The following APOOL variants were observed in gnomAD, a reference collection of about 807,000 sequenced individuals.
APOOL encodes MICOS complex subunit MIC27.
Under a neutral mutation model 23.1 loss-of-function variants are expected in APOOL, and 12 were observed. That is an observed-to-expected ratio of 0.52 (90% CI 0.33 to 0.84). The LOEUF (loss-of-function observed/expected upper bound fraction) is 0.84, where lower values mean the gene tolerates loss of function less well. Among genes scored for constraint, APOOL ranks in the 40% least tolerant of loss-of-function variants. The pLI is 0.02. For missense variants in APOOL, 212 were observed against 199.6 expected (o/e 1.06, Z -0.37); for synonymous variants, 77 against 69.9 (o/e 1.10, Z -0.51).
chrX:85,055,979 T>A, intron 5 of APOOL, 54 bp downstream of exon 5: 2 of 962,292 alleles, frequency 2.1e-6, no homozygotes, highest in Non-Finnish European at 1.4e-6. Context: ...AGTTTCTGAA[T>A]TTTGTGGTCA....
chrX:85,024,541 G>A (rs1921774309), intron 1 of APOOL, among the ~76,000 whole-genome samples: 1 of 112,528 alleles, frequency 8.9e-6, no homozygotes. Flanking sequence ...GGCAAAGTTA[G>A]AGTGTTGCCA....
At chrX:85,061,194 G>T (rs781506427) in intron 5 of APOOL, among the ~76,000 whole-genome samples, 1 of 111,126 alleles carries the variant, frequency 9.0e-6, no homozygotes, top group South Asian at 3.9e-4. Flanking sequence ...TATTGATTTG[G>T]GTATGTTGAA....
At chrX:85,071,890 C>T (rs750873242) in intron 6 of APOOL, among the ~76,000 whole-genome samples, 2 of 111,895 alleles carry the variant, frequency 1.8e-5, no homozygotes, top group East Asian at 2.8e-4. Flanking sequence ...GTCAGGAGAT[C>T]GAGACCATCC....
chrX:85,057,431 T>A (rs1205120271), intron 5 of APOOL, among the ~76,000 whole-genome samples: 1 of 107,750 alleles, frequency 9.3e-6, no homozygotes, highest in East Asian at 2.9e-4. Context: ...AAAACTGCTG[T>A]GCAATTATAA....
chrX:85,050,130 A>T (rs200332882), intron 2 of APOOL, among the ~76,000 whole-genome samples: 1 of 14,164 alleles, frequency 7.1e-5, no homozygotes. Context: ...CCAGAAAGAT[A>T]AAACACTAAC....
At chrX:85,009,513 TTTCA>T (rs767290833) in intron 1 of APOOL, among the ~76,000 whole-genome samples, 23 of 112,389 alleles carry the variant, frequency 2.0e-4, no homozygotes, top group Non-Finnish European at 3.9e-4. Flanking sequence ...TGTTTTTGTC[TTTCA>T]TTCTATTAAT....
At chrX:85,069,917 C>T (rs893383097) in intron 6 of APOOL, among the ~76,000 whole-genome samples, 1 of 111,362 alleles carries the variant, frequency 9.0e-6, no homozygotes, top group Non-Finnish European at 1.9e-5. Context: ...TGAGTCTTTA[C>T]GAAGCATTTA....
At chrX:85,064,730 T>C (rs1923384897) in intron 5 of APOOL, among the ~76,000 whole-genome samples, 1 of 112,052 alleles carries the variant, frequency 8.9e-6, no homozygotes, top group African/African-American at 3.2e-5. Context: ...TTGGTTGTGC[T>C]GTGGTCTGAG....
rs779518995 is a variant in APOOL, at chrX:85,074,386, C to A, written c.713C>A (p.Thr238Asn). The A allele has an allele frequency of 4.1e-6, 5 of 1,210,331 alleles. No homozygotes were observed. The Admixed American group carries it at 1.1e-4, about 26-fold the overall frequency. The change falls in exon 8 of 9, where the codon ACT becomes AAT. Residue 238 changes from threonine to asparagine, a missense_variant. Physicochemically the swap from Thr to Asn is moderately conservative, Grantham distance 65 (BLOSUM62 0). Transcript: ENST00000373173. ...SSEAKTKSES[T>N]SGATQFMPDP... is the part of the protein sequence containing the mutation. ...GAAGCAAAGACCAAATCAGAATCCACTTCAGGTTTGTTGGGTATAAGTCAA... is the reference window on the plus strand; with the variant it reads ...GAAGCAAAGACCAAATCAGAATCCAATTCAGGTTTGTTGGGTATAAGTCAA...
At chrX:85,030,382 A>T (rs773816923) in intron 1 of APOOL, among the ~76,000 whole-genome samples, 3 of 110,784 alleles carry the variant, frequency 2.7e-5, no homozygotes, top group South Asian at 7.7e-4. Flanking sequence ...TGGGTCAGGG[A>T]TTAAAAAAAA....
rs1251459961 is a variant in APOOL at position 85,059,634 on chromosome X, A to C, written c.394+3709A>C. ...TGCATTTCTCTGATGGCCAGTGATGATGAGCATTTTTTCATGTGTTTTTTG... is the reference window on the plus strand; with the variant it reads ...TGCATTTCTCTGATGGCCAGTGATGCTGAGCATTTTTTCATGTGTTTTTTG... On this transcript the variant is annotated intron_variant, in intron 5 of 8. Transcript: ENST00000373173. 1.7e-4 allele frequency among the ~76,000 whole-genome samples: 19 copies of C among 109,677 alleles called. 1 individual carries two copies. In the East Asian group the frequency reaches 4.9e-3, roughly 28 times the overall value.
intron 1 of APOOL, among the ~76,000 whole-genome samples, chrX:85,022,687 A>G (rs900919497): frequency 9.0e-6 from 1 of 111,158 alleles, no homozygotes; most frequent in Admixed American, 9.6e-5. Context: ...GCACAAGACA[A>G]GGATGCCCAC....
chrX:85,085,217 A>G (rs1161438007), intron 8 of APOOL, among the ~76,000 whole-genome samples: 1 of 111,911 alleles, frequency 8.9e-6, no homozygotes, highest in African/African-American at 3.3e-5. Context: ...GTAATAAGAT[A>G]TCTGTGATTT....
chrX:85,050,041 A>T (rs1178506479), intron 2 of APOOL, among the ~76,000 whole-genome samples: 1 of 111,324 alleles, frequency 9.0e-6, no homozygotes, highest in Admixed American at 9.6e-5. Flanking sequence ...TTATATATAA[A>T]ACGCATCTTT....
At chrX:85,016,180 C>A (rs1248197843) in intron 1 of APOOL, among the ~76,000 whole-genome samples, 1 of 107,903 alleles carries the variant, frequency 9.3e-6, no homozygotes, top group Non-Finnish European at 1.9e-5. Flanking sequence ...CCTGGATAGT[C>A]ACCAGTTGTG....
chrX:85,014,615 A>G (rs977340656), intron 1 of APOOL, among the ~76,000 whole-genome samples: 5 of 109,483 alleles, frequency 4.6e-5, no homozygotes, highest in East Asian at 2.9e-4. Context: ...CTGGCTGACA[A>G]TTATTTTATT....
chrX:85,045,318 A>G (rs1035423394), intron 1 of APOOL, among the ~76,000 whole-genome samples: 4 of 111,800 alleles, frequency 3.6e-5, no homozygotes, highest in African/African-American at 1.3e-4. Flanking sequence ...TACAGCCCCA[A>G]TCTAAATCAG....
At chrX:85,083,279 A>G (rs1924177972) in intron 8 of APOOL, among the ~76,000 whole-genome samples, 1 of 111,543 alleles carries the variant, frequency 9.0e-6, no homozygotes, top group Non-Finnish European at 1.9e-5. Context: ...ATAACAGCAG[A>G]CCCACAGATG....
chrX:85,043,912 G>T (rs780005135), intron 1 of APOOL, among the ~76,000 whole-genome samples: 66 of 111,764 alleles, frequency 5.9e-4, no homozygotes, highest in African/African-American at 2.0e-3. Flanking sequence ...CCAAGTGTAA[G>T]CCATTTTAAT....
Sources: gnomAD v4.1 joint callset for allele counts (sites outside exome capture counted in the v4.1 genomes callset) on GRCh38, gnomAD v4.1.1 for gene constraint, MANE v1.5 for transcripts, NCBI Gene and HGNC (gene_info 2026-07-23, HGNC 2026-07-21) for gene names.